The following DNAJB6 variants were observed in gnomAD, a reference collection of about 807,000 sequenced individuals.
The protein encoded by DNAJB6 is DnaJ heat shock protein family (Hsp40) member B6.
A neutral mutation model predicts 42.7 loss-of-function variants in DNAJB6; 16 were observed. The observed-to-expected ratio is 0.37, with a 90% CI of 0.25 to 0.57. DNAJB6 has a LOEUF of 0.57. Ranked by LOEUF, DNAJB6 falls within the 20% of genes least tolerant of loss-of-function variation. The pLI, the probability that DNAJB6 is intolerant of heterozygous loss-of-function variation, is 0.74. For synonymous variants in DNAJB6, 170 were observed against 163.5 expected (o/e 1.04, Z -0.30); for missense variants, 347 against 416.8 (o/e 0.83, Z 1.46).
intron 1 of DNAJB6, among the ~76,000 whole-genome samples, chr7:157,345,601 T>C (rs557560234): frequency 3.9e-5 from 6 of 152,332 alleles, no homozygotes; most frequent in African/African-American, 1.4e-4. Context: ...GTGTCTTTGC[T>C]GTCTAGAAGC....
intron 2 of DNAJB6, among the ~76,000 whole-genome samples, chr7:157,358,945 C>T (rs1397338431): frequency 1.3e-5 from 2 of 152,124 alleles, no homozygotes; most frequent in African/African-American, 2.4e-5. Flanking sequence ...TCTTGAGTGC[C>T]CCTTTGGAAG....
chr7:157,367,130 G>T (rs754231618), intron 4 of DNAJB6, among the ~76,000 whole-genome samples: 1 of 152,192 alleles, frequency 6.6e-6, no homozygotes, highest in Non-Finnish European at 1.5e-5. Flanking sequence ...TGCCGATCAC[G>T]GATTTAGAGA....
At chr7:157,365,094 G>C (rs117395306) in intron 3 of DNAJB6, among the ~76,000 whole-genome samples, 3,243 of 152,294 alleles carry the variant, frequency 0.021, 45 homozygotes, top group East Asian at 0.055. Flanking sequence ...TGGGACCACG[G>C]GTGGGTGCCA....
intron 8 of DNAJB6, among the ~76,000 whole-genome samples, chr7:157,400,922 G>A (rs991171216): frequency 7.2e-5 from 11 of 152,204 alleles, no homozygotes; most frequent in African/African-American, 2.2e-4. Context: ...CTGTGACCCC[G>A]GACTCTGGAT....
chr7:157,392,461 G>C (rs1211076518), intron 8 of DNAJB6, among the ~76,000 whole-genome samples: 1 of 151,372 alleles, frequency 6.6e-6, no homozygotes, highest in Non-Finnish European at 1.5e-5. Flanking sequence ...GCCTGTTACA[G>C]AGCTGCCCCA....
chr7:157,409,768 G>GA, intron 8 of DNAJB6, 27 bp from the exon 9 acceptor site: 1 of 1,503,158 alleles, frequency 6.7e-7, no homozygotes, highest in Non-Finnish European at 8.9e-7. Flanking sequence ...CTCACTCACG[G>GA]CTCTCTCTCT....
At chr7:157,344,296 CCTCTACTGCA>C (rs972889986) in intron 1 of DNAJB6, among the ~76,000 whole-genome samples, 15 of 151,948 alleles carry the variant, frequency 9.9e-5, no homozygotes, top group African/African-American at 2.4e-4. Flanking sequence ...AGCCGAGATC[CCTCTACTGCA>C]CTCTACTGCA....
chr7:157,390,050 CGTCT>C (rs920324936), intron 8 of DNAJB6, among the ~76,000 whole-genome samples: 6 of 152,214 alleles, frequency 3.9e-5, no homozygotes, highest in African/African-American at 1.4e-4. Flanking sequence ...CAGTAATTCT[CGTCT>C]GTCTGGCTGC....
At chr7:157,369,752 C>CA (rs1464920830) in intron 5 of DNAJB6, among the ~76,000 whole-genome samples, 2 of 145,314 alleles carry the variant, frequency 1.4e-5, no homozygotes, top group African/African-American at 5.5e-5. Context: ...CAGGCCCCTT[C>CA]TTAACATTAT....
intron 5 of DNAJB6, among the ~76,000 whole-genome samples, chr7:157,376,464 A>G (rs904988783): frequency 3.3e-5 from 5 of 152,298 alleles, no homozygotes; most frequent in African/African-American, 1.2e-4. Context: ...AAAAGAGTCA[A>G]ACTGTAAAAT....
intron 1 of DNAJB6, among the ~76,000 whole-genome samples, chr7:157,338,607 TAGAGGCGCGAGCC>T (rs1017093948): frequency 6.6e-6 from 1 of 152,004 alleles, no homozygotes. Flanking sequence ...GTGTTGGGAT[TAGAGGCGCGAGCC>T]ACCGCGCCTC....
chr7:157,339,091 A>C (rs1301126860), intron 1 of DNAJB6, among the ~76,000 whole-genome samples: 1 of 152,140 alleles, frequency 6.6e-6, no homozygotes, highest in East Asian at 1.9e-4. Context: ...GTGAAGACTA[A>C]AATATGCATA....
At chr7:157,362,061 C>T (rs1339042083) in intron 2 of DNAJB6, among the ~76,000 whole-genome samples, 3 of 151,942 alleles carry the variant, frequency 2.0e-5, no homozygotes, top group Non-Finnish European at 2.9e-5. Flanking sequence ...CCGCTGCACC[C>T]GGCCTTTTTT....
chr7:157,403,908 C>T (rs2117183751), intron 8 of DNAJB6, among the ~76,000 whole-genome samples: 1 of 152,348 alleles, frequency 6.6e-6, no homozygotes, highest in African/African-American at 2.4e-5. Context: ...CCAGGAGCCT[C>T]AGTGTTGAGT....
intron 5 of DNAJB6, among the ~76,000 whole-genome samples, chr7:157,376,735 G>A (rs1584918340): frequency 6.6e-6 from 1 of 152,068 alleles, no homozygotes; most frequent in East Asian, 1.9e-4. Flanking sequence ...AAAAAAATTA[G>A]CCAGGCGGGG....
At chr7:157,358,198 C>T (rs942513981) in intron 1 of DNAJB6, among the ~76,000 whole-genome samples, 2 of 152,160 alleles carry the variant, frequency 1.3e-5, no homozygotes, top group Non-Finnish European at 2.9e-5. Flanking sequence ...ACTGACGTTC[C>T]CTGAGCACAG....
In DNAJB6 at chr7:157,416,182, C is replaced by G; in HGVS notation, c.*84C>G. On this transcript the variant is annotated 3_prime_UTR_variant, in exon 10 of 10. Transcript: ENST00000262177. The stretch of plus-strand genomic sequence containing the variant: ...GCGGTCGTGCACACGCGCTAGGTAG[C>G]AGCGTCGGTCAGGACTGTCTCGAGG... The G allele has an allele frequency of 6.4e-7, 1 of 1,550,840 alleles. No individual in the cohort carries two copies. Among genetic ancestry groups the G allele is most frequent in the Non-Finnish European group, 8.7e-7 (1 of 1,146,034 alleles).
intron 2 of DNAJB6, among the ~76,000 whole-genome samples, 187 bp downstream of exon 2, chr7:157,358,824 A>C (rs1255410839): frequency 1.3e-5 from 2 of 152,202 alleles, no homozygotes; most frequent in Non-Finnish European, 2.9e-5. Flanking sequence ...TTTGCTCTTC[A>C]TTAGTCAGTC....
intron 3 of DNAJB6, among the ~76,000 whole-genome samples, chr7:157,364,521 C>T (rs1015163555): frequency 2.6e-5 from 4 of 152,080 alleles, no homozygotes; most frequent in African/African-American, 7.2e-5. Context: ...TTGAGGTGAT[C>T]GTCCTCTCTC....
Sources: gnomAD v4.1 joint callset for allele counts (sites outside exome capture counted in the v4.1 genomes callset) on GRCh38, gnomAD v4.1.1 for gene constraint, MANE v1.5 for transcripts, NCBI Gene and HGNC (gene_info 2026-07-23, HGNC 2026-07-21) for gene names.